TAOK3: variants seen among roughly 807,000 people sequenced by gnomAD.
The protein encoded by TAOK3 is serine/threonine-protein kinase TAO3.
A neutral mutation model predicts 120.4 loss-of-function variants in TAOK3; 40 were observed. The ratio of observed to expected loss-of-function variants is 0.33; its 90% CI spans 0.26 to 0.43. The LOEUF (loss-of-function observed/expected upper bound fraction) is 0.43, where lower values mean the gene tolerates loss of function less well. TAOK3 is among the 20% of genes least tolerant of loss of function. TAOK3 has a pLI of 1.00. For missense variants in TAOK3, 821 were observed against 1,112.1 expected (o/e 0.74, Z 3.72); for synonymous variants, 355 against 387.5 (o/e 0.92, Z 0.99).
chr12:118,217,232 G>C (rs561693992), intron 9 of TAOK3, among the ~76,000 whole-genome samples: 1 of 152,292 alleles, frequency 6.6e-6, no homozygotes, highest in African/African-American at 2.4e-5. Context: ...AGCCAGAGTA[G>C]TTAAAACACA....
At chr12:118,181,229 T>C (rs2036699143) in intron 15 of TAOK3, 142 bp downstream of exon 15, 1 of 681,540 alleles carries the variant, frequency 1.5e-6, no homozygotes, top group Non-Finnish European at 2.6e-6. Context: ...CATAGCCCTA[T>C]AAAATCTAGA....
intron 11 of TAOK3, among the ~76,000 whole-genome samples, chr12:118,201,897 A>G (rs916152201): frequency 1.3e-5 from 2 of 152,048 alleles, no homozygotes; most frequent in African/African-American, 4.8e-5. Flanking sequence ...CATGCTGTAC[A>G]CTGGATCTCT....
chr12:118,282,018 A>G (rs947724231), intron 1 of TAOK3, among the ~76,000 whole-genome samples: 18 of 152,250 alleles, frequency 1.2e-4, no homozygotes, highest in African/African-American at 4.3e-4. Context: ...AAAATTATAG[A>G]AAATGCTAAA....
chr12:118,305,239 C>T (rs921097991), intron 1 of TAOK3, among the ~76,000 whole-genome samples: 2 of 152,014 alleles, frequency 1.3e-5, no homozygotes, highest in Non-Finnish European at 1.5e-5. Context: ...CCAACACTTT[C>T]GGAGGCTGAG....
chr12:118,195,277 G>A (rs2037658516), intron 13 of TAOK3, among the ~76,000 whole-genome samples: 2 of 152,082 alleles, frequency 1.3e-5, no homozygotes, highest in Admixed American at 6.5e-5. Context: ...AACAGGCAAA[G>A]GGAATTAATT....
At chr12:118,194,612 CTTTTTTT>C (rs58866768) in intron 13 of TAOK3, among the ~76,000 whole-genome samples, 18 of 98,154 alleles carry the variant, frequency 1.8e-4, no homozygotes, top group South Asian at 3.6e-4. Context: ...AAGGACATTT[CTTTTTTT>C]TTTTTTTTTT....
intron 1 of TAOK3, among the ~76,000 whole-genome samples, chr12:118,289,853 G>T (rs1237314595): frequency 6.6e-6 from 1 of 151,982 alleles, no homozygotes; most frequent in African/African-American, 2.4e-5. Context: ...AAATTAGCTG[G>T]GCGTGGTGGT....
chr12:118,182,284 C>T (rs1365843068), intron 14 of TAOK3, among the ~76,000 whole-genome samples: 1 of 152,030 alleles, frequency 6.6e-6, no homozygotes, highest in Non-Finnish European at 1.5e-5. Flanking sequence ...ATTAACACAG[C>T]TAATAAGGAC....
At chr12:118,310,394 A>G (rs988312274) in intron 1 of TAOK3, among the ~76,000 whole-genome samples, 20 of 152,222 alleles carry the variant, frequency 1.3e-4, no homozygotes, top group African/African-American at 4.8e-4. Flanking sequence ...TGAAATGTGA[A>G]ATATGTATGT....
rs934985338 is a variant in TAOK3 at position 118,281,559 on chromosome 12, C to T, written c.-193-14800G>A. ...CAGCACTTTGGGAGGCTGAGGCAGG[C>T]GAATCACCTGAGGTCAGGAGTTTGA... On this transcript the variant is annotated intron_variant, in intron 1 of 20. Coordinates refer to ENST00000392533, the MANE Select transcript of TAOK3 (RefSeq NM_016281.4). 1.3e-5 allele frequency among the ~76,000 whole-genome samples: 2 copies of T among 152,034 alleles called. 1 individual carries two copies. The highest frequency in any genetic ancestry group is 4.1e-4 in the South Asian group (2 of 4,830).
intron 1 of TAOK3, among the ~76,000 whole-genome samples, chr12:118,289,582 C>CTCTAAATA (rs1198239663): frequency 1.1e-4 from 17 of 152,294 alleles, no homozygotes; most frequent in Non-Finnish European, 2.1e-4. Flanking sequence ...ACAATACTAT[C>CTCTAAATA]TCTAAATACG....
At chr12:118,253,746 A>G (rs1224740250) in intron 3 of TAOK3, among the ~76,000 whole-genome samples, 1 of 42,228 alleles carries the variant, frequency 2.4e-5, no homozygotes, top group African/African-American at 1.0e-4. Context: ...AAACAAACAA[A>G]CAAACAAACA....
intron 2 of TAOK3, among the ~76,000 whole-genome samples, chr12:118,258,979 G>A (rs1187743833): frequency 6.6e-6 from 1 of 151,674 alleles, no homozygotes; most frequent in Non-Finnish European, 1.5e-5. Flanking sequence ...GGATTTGGGG[G>A]GAAAACAAGG....
chr12:118,365,387 C>CG (rs1162435316), intron 1 of TAOK3, among the ~76,000 whole-genome samples: 5 of 150,564 alleles, frequency 3.3e-5, no homozygotes, highest in African/African-American at 1.2e-4. Flanking sequence ...CGTGCAAACA[C>CG]ACGCCCAGCT....
At chr12:118,363,147 C>A in intron 1 of TAOK3, among the ~76,000 whole-genome samples, 1 of 151,590 alleles carries the variant, frequency 6.6e-6, no homozygotes, top group East Asian at 1.9e-4. Context: ...GAGTCAAAGG[C>A]CACTTTAGAG....
Position 118,172,522 on chromosome 12 carries a change from A to T in TAOK3, c.1834T>A (p.Cys612Ser), listed in dbSNP as rs954930576. 3 of 1,613,930 alleles carry T rather than the reference A, an allele frequency of 1.9e-6. No individual in the cohort carries two copies. Among genetic ancestry groups the T allele is most frequent in the Admixed American group, 3.3e-5 (2 of 59,982 alleles). The change falls in exon 17 of 21, where the codon TGT (cysteine) becomes AGT (serine). Residue 612 changes from cysteine (C) to serine (S), a missense_variant. Cys to Ser is a moderately radical substitution (Grantham distance 112, BLOSUM62 -1). Transcript: ENST00000392533. ...ATTATTTTCCGCTTGAAGAAACGAC[A>T]ATTTTTGTCGTAGTACAGTCTCTGT... ...TQQRLYYDKN[C>S]RFFKRKIMIK...
At chr12:118,314,150 GT>G (rs2043363012) in intron 1 of TAOK3, among the ~76,000 whole-genome samples, 1 of 152,062 alleles carries the variant, frequency 6.6e-6, no homozygotes, top group African/African-American at 2.4e-5. Context: ...TGAAATTAAC[GT>G]TACAGGAAGC....
intron 8 of TAOK3, 47 bp downstream of exon 8, chr12:118,235,511 A>G (rs1381283133): frequency 1.4e-6 from 2 of 1,443,324 alleles, no homozygotes; most frequent in Non-Finnish European, 1.9e-6. Context: ...AGTTGAGTTC[A>G]TGTATGCAGA....
At chr12:118,335,374 T>G (rs1408021443) in intron 1 of TAOK3, among the ~76,000 whole-genome samples, 1 of 152,124 alleles carries the variant, frequency 6.6e-6, no homozygotes, top group African/African-American at 2.4e-5. Context: ...TTTGACAACT[T>G]AGAAGAAATT....
Sources: gnomAD v4.1 joint callset for allele counts (sites outside exome capture counted in the v4.1 genomes callset) on GRCh38, gnomAD v4.1.1 for gene constraint, MANE v1.5 for transcripts, NCBI Gene and HGNC (gene_info 2026-07-23, HGNC 2026-07-21) for gene names.